NCOA3: variants seen among roughly 807,000 people sequenced by gnomAD.
The protein encoded by NCOA3 is nuclear receptor coactivator 3.
A neutral mutation model predicts 158.8 loss-of-function variants in NCOA3; 51 were observed. The observed-to-expected ratio is 0.32, with a 90% CI of 0.26 to 0.41. The LOEUF is 0.41. NCOA3 is among the 10% of genes least tolerant of loss of function. NCOA3 has a pLI of 1.00. For missense variants in NCOA3, 1,510 were observed against 1,746.6 expected (o/e 0.86, Z 2.41); for synonymous variants, 537 against 592.4 (o/e 0.91, Z 1.36).
chr20:47,521,819 A>G (rs1417960600), intron 1 of NCOA3, among the ~76,000 whole-genome samples: 1 of 152,238 alleles, frequency 6.6e-6, no homozygotes, highest in East Asian at 1.9e-4. Context: ...AGGTCTTGAA[A>G]TCAGATAGAG....
intron 2 of NCOA3, among the ~76,000 whole-genome samples, chr20:47,597,638 G>A (rs981606544): frequency 1.5e-4 from 22 of 151,690 alleles, no homozygotes; most frequent in African/African-American, 5.1e-4. Context: ...ACAGGTACTC[G>A]CCACCAAGCC....
intron 13 of NCOA3, among the ~76,000 whole-genome samples, chr20:47,638,411 A>G (rs1239999767): frequency 1.3e-5 from 2 of 152,230 alleles, no homozygotes; most frequent in Non-Finnish European, 2.9e-5. Context: ...CTCCGTCTCA[A>G]ACAAACAGAC....
chr20:47,596,088 G>T (rs1288386832), intron 2 of NCOA3, among the ~76,000 whole-genome samples: 1 of 152,150 alleles, frequency 6.6e-6, no homozygotes, highest in Non-Finnish European at 1.5e-5. Flanking sequence ...TTGAACTGAA[G>T]AACGGGACGG....
At chr20:47,556,385 CTG>C (rs964159324) in intron 1 of NCOA3, among the ~76,000 whole-genome samples, 6 of 152,174 alleles carry the variant, frequency 3.9e-5, no homozygotes, top group African/African-American at 1.2e-4. Flanking sequence ...TTAGAATTGA[CTG>C]TAGAAATAGC....
At chr20:47,513,230 C>T (rs2084175939) in intron 1 of NCOA3, among the ~76,000 whole-genome samples, 2 of 152,058 alleles carry the variant, frequency 1.3e-5, no homozygotes, top group African/African-American at 4.8e-5. Flanking sequence ...ATAACCCAGC[C>T]ATTCTACTTC....
At position 47,518,271 on chromosome 20, in the gene NCOA3, A is replaced by T. The variant is rs530063463; in HGVS notation, c.-99+16252A>T. ...TGAGGTGGGAGGATCGCTTAAGTCC[A>T]GGAGTTCCAGGCTGCAATGAGCCAT... On this transcript the variant is annotated intron_variant, in intron 1 of 22. Transcript: ENST00000371998. Among the ~76,000 whole-genome samples the T allele has an allele frequency of 9.9e-5, 15 of 152,074 alleles. No homozygotes were observed. The South Asian group carries it at 2.7e-3, about 27-fold the overall frequency.
intron 1 of NCOA3, among the ~76,000 whole-genome samples, chr20:47,505,041 C>CG (rs1213325737): frequency 5.2e-3 from 30 of 5,778 alleles, no homozygotes; most frequent in Non-Finnish European, 7.9e-3. Flanking sequence ...CGGGCAGGGG[C>CG]GTTTTTTTTT....
intron 20 of NCOA3, among the ~76,000 whole-genome samples, chr20:47,651,772 C>G (rs66499182): frequency 1.3e-5 from 2 of 151,662 alleles, no homozygotes; most frequent in Non-Finnish European, 2.9e-5. Context: ...TCAAGTGATT[C>G]TCCTGCCTCA....
intron 2 of NCOA3, among the ~76,000 whole-genome samples, chr20:47,621,773 C>G (rs1568732380): frequency 6.6e-6 from 1 of 150,746 alleles, no homozygotes; most frequent in Non-Finnish European, 1.5e-5. Context: ...CCTGCCTCAG[C>G]CTCCCAAATA....
intron 1 of NCOA3, among the ~76,000 whole-genome samples, chr20:47,581,493 G>A (rs934335831): frequency 6.6e-6 from 1 of 152,144 alleles, no homozygotes; most frequent in Non-Finnish European, 1.5e-5. Context: ...ACTGTCTGCA[G>A]ACTACACTAC....
chr20:47,535,357 A>C (rs1257230428), intron 1 of NCOA3, among the ~76,000 whole-genome samples: 1 of 152,042 alleles, frequency 6.6e-6, no homozygotes, highest in African/African-American at 2.4e-5. Context: ...GTGCTCTTTC[A>C]GTTTTGTGGT....
chr20:47,569,709 C>T (rs763858599), intron 1 of NCOA3, among the ~76,000 whole-genome samples: 1 of 150,958 alleles, frequency 6.6e-6, no homozygotes, highest in Non-Finnish European at 1.5e-5. Context: ...AGTCAATCCT[C>T]TCAAAACCCT....
At chr20:47,514,394 T>C (rs527529965) in intron 1 of NCOA3, among the ~76,000 whole-genome samples, 2 of 152,172 alleles carry the variant, frequency 1.3e-5, no homozygotes, top group African/African-American at 4.8e-5. Context: ...TTGTAACAAA[T>C]CTTTTTTTAT....
rs575463833 is a variant in NCOA3, at chr20:47,653,587, C to T, written c.*170C>T. Reference sequence around the variant, plus strand: ...ATTTGAGCAGGACTGGATTTTAAGCCGAAGGGCAATATCTACGTGTTTTTC... The same window carrying T: ...ATTTGAGCAGGACTGGATTTTAAGCTGAAGGGCAATATCTACGTGTTTTTC... On this transcript the variant is annotated 3_prime_UTR_variant, in exon 23 of 23. Coordinates refer to ENST00000371998, the MANE Select transcript of NCOA3 (RefSeq NM_181659.3). 2.5e-4 allele frequency: 196 copies of T among 771,888 alleles called. No homozygotes were observed. The highest frequency in any genetic ancestry group is 2.1e-3 in the Middle Eastern group (9 of 4,200). 47.8% of individuals were successfully genotyped at this position (771,888 alleles called of 1,614,324 possible).
In NCOA3 at chr20:47,588,992, G is replaced by C. The variant is rs1476236180; in HGVS notation, c.-20+5731G>C. 2.6e-5 allele frequency among the ~76,000 whole-genome samples: 4 copies of C among 152,180 alleles called. 1 individual carries two copies. Among genetic ancestry groups the C allele is most frequent in the African/African-American group, 9.6e-5 (4 of 41,518 alleles). On this transcript the variant is annotated intron_variant, in intron 2 of 22. Transcript: ENST00000371998. ...CAACCTCTGCCTCCCAGGTTCAAGA[G>C]ATTCTCCTGCCTCAGCCTCCCAAGT... is the stretch of plus-strand genomic sequence containing the variant.
At chr20:47,650,228 C>T (rs2086759570) in intron 19 of NCOA3, among the ~76,000 whole-genome samples, 1 of 149,292 alleles carries the variant, frequency 6.7e-6, no homozygotes, top group African/African-American at 2.5e-5. Context: ...TTCTTCAGTT[C>T]TCCCTCCCTC....
chr20:47,593,578 C>T (rs956408214), intron 2 of NCOA3, among the ~76,000 whole-genome samples: 12 of 148,536 alleles, frequency 8.1e-5, no homozygotes, highest in Non-Finnish European at 1.0e-4. Context: ...CTCCTGACCT[C>T]GTGATCCGCC....
Position 47,653,672 on chromosome 20 carries a change from C to T in NCOA3, c.*255C>T. ...ACAGAAATGTTTTTTGGCATTCCAC[C>T]TCCTAGGGATATAATTCTGGAGACA... is the stretch of plus-strand genomic sequence containing the variant. On this transcript the variant is annotated 3_prime_UTR_variant, in exon 23 of 23. Transcript: ENST00000371998. 1 of 491,892 alleles carries T rather than the reference C, an allele frequency of 2.0e-6. No individual in the cohort carries two copies. Among genetic ancestry groups the T allele is most frequent in the African/African-American group, 1.9e-5 (1 of 51,452 alleles). The allele number at this position is 491,892 out of a possible 1,614,324, so 30.5% of individuals were successfully genotyped here.
At chr20:47,564,418 T>C (rs1411142880) in intron 1 of NCOA3, among the ~76,000 whole-genome samples, 1 of 152,184 alleles carries the variant, frequency 6.6e-6, no homozygotes, top group Non-Finnish European at 1.5e-5. Context: ...AACTATTGAG[T>C]ACCTGTCATG....
Sources: allele counts gnomAD v4.1 joint callset (sites outside exome capture counted in the v4.1 genomes callset), GRCh38; gene constraint gnomAD v4.1.1; transcripts MANE v1.5; gene names NCBI Gene and HGNC (gene_info 2026-07-23, HGNC 2026-07-21).